CALN1: variants seen among roughly 807,000 people sequenced by gnomAD.
CALN1 encodes calcium-binding protein 8.
In CALN1, 17 loss-of-function variants were observed where a neutral mutation model predicts 30.6. The observed-to-expected ratio is 0.56, with a 90% CI of 0.38 to 0.83. CALN1 has a LOEUF of 0.83. Among genes scored for constraint, CALN1 ranks in the 40% least tolerant of loss-of-function variants. The probability of loss-of-function intolerance (pLI) is 0.00; values close to 1 mark genes in which losing one functional copy is unlikely to be tolerated. For synonymous variants in CALN1, 156 were observed against 131.4 expected, an observed-to-expected ratio of 1.19 and a Z score of -1.28; for missense variants, 291 against 354.9, an observed-to-expected ratio of 0.82 and a Z score of 1.45.
chr7:72,337,387 G>C (rs529559094), intron 2 of CALN1, among the ~76,000 whole-genome samples: 7 of 148,680 alleles, frequency 4.7e-5, no homozygotes, highest in African/African-American at 1.7e-4. Flanking sequence ...CGCAACCTGA[G>C]GAACGCCTCG....
chr7:72,244,505 T>C lies in CALN1; in HGVS notation c.244+34181A>G, dbSNP rs532830437. On this transcript the variant is annotated intron_variant, in intron 3 of 6. Coordinates refer to ENST00000395275, the MANE Select transcript of CALN1 (RefSeq NM_031468.4). Reference sequence around the variant, plus strand: ...ACAAGAAAACAGAAAAGTTCCACAATTTATTATTGGGATATAAATGAGGAA... The same window carrying C: ...ACAAGAAAACAGAAAAGTTCCACAACTTATTATTGGGATATAAATGAGGAA... 6.6e-5 allele frequency among the ~76,000 whole-genome samples: 10 copies of C among 151,972 alleles called. No homozygotes were observed. In the East Asian group the frequency reaches 1.9e-3, roughly 29 times the overall value.
At chr7:72,467,150 T>C in the CALN1 span, among the ~76,000 whole-genome samples, 1 of 152,294 alleles carries the variant, frequency 6.6e-6, no homozygotes, top group East Asian at 1.9e-4. Flanking sequence ...ACCTCAGATG[T>C]GTCTGAGACA....
At chr7:72,324,192 T>C (rs944455779) in intron 2 of CALN1, among the ~76,000 whole-genome samples, 1 of 152,140 alleles carries the variant, frequency 6.6e-6, no homozygotes, top group African/African-American at 2.4e-5. Context: ...GATTAGAGCA[T>C]TGGAATTTTT....
At chr7:72,054,438 T>TATATATAC (rs71092943) in intron 4 of CALN1, among the ~76,000 whole-genome samples, 586 of 48,828 alleles carry the variant, frequency 0.012, 13 homozygotes, top group African/African-American at 0.046. Flanking sequence ...TACACGTATA[T>TATATATAC]ATATATATAC....
chr7:72,155,875 C>A (rs1787638575), intron 3 of CALN1, among the ~76,000 whole-genome samples: 1 of 152,158 alleles, frequency 6.6e-6, no homozygotes, highest in Non-Finnish European at 1.5e-5. Context: ...TTCCAGCTCC[C>A]AGACACCAAC....
intron 4 of CALN1, among the ~76,000 whole-genome samples, chr7:72,065,846 T>C (rs1227810250): frequency 1.3e-5 from 2 of 151,694 alleles, no homozygotes; most frequent in African/African-American, 4.8e-5. Flanking sequence ...TGAGCCAAGA[T>C]CACACCATTG....
At chr7:72,460,792 A>C in the CALN1 span, among the ~76,000 whole-genome samples, 4 of 152,094 alleles carry the variant, frequency 2.6e-5, no homozygotes, top group South Asian at 8.3e-4. Flanking sequence ...TCTCTGACCT[A>C]CTGTGGTCAG....
intron 5 of CALN1, among the ~76,000 whole-genome samples, chr7:71,835,010 A>T (rs560402166): frequency 6.6e-6 from 1 of 151,924 alleles, no homozygotes; most frequent in Non-Finnish European, 1.5e-5. Context: ...TTTAAAAAAA[A>T]TTTTCATAGG....
chr7:72,297,998 G>C lies in CALN1; in HGVS notation c.120-19188C>G, dbSNP rs376372726. On this transcript the variant is annotated intron_variant, in intron 2 of 6. Transcript: ENST00000395275. Reference sequence around the variant, plus strand: ...CTTTACAGAGTAGAGTTTGTAGATAGTGCACTCACCATCTTATTATTTTTT... The same window carrying C: ...CTTTACAGAGTAGAGTTTGTAGATACTGCACTCACCATCTTATTATTTTTT... Among the ~76,000 whole-genome samples, 39 of 152,308 alleles carry C rather than the reference G, an allele frequency of 2.6e-4. 1 individual carries two copies. In the East Asian group the frequency reaches 5.4e-3, roughly 21 times the overall value.
rs536600708 is a variant in CALN1 at position 71,964,653 on chromosome 7, T to A, written c.501+59004A>T. On this transcript the variant is annotated intron_variant, in intron 5 of 6. Transcript: ENST00000395275. ...CTCCAGCCTGGCAACAGAGCGAGACTCTGTCTCAAAAAAAAACCAAACCAA... is the reference window on the plus strand; with the variant it reads ...CTCCAGCCTGGCAACAGAGCGAGACACTGTCTCAAAAAAAAACCAAACCAA... Among the ~76,000 whole-genome samples, 14 of 149,482 alleles carry A rather than the reference T, an allele frequency of 9.4e-5. No individual in the cohort carries two copies. The South Asian group carries it at 2.3e-3, about 24-fold the overall frequency.
rs1261385627 is a variant in CALN1 at position 72,412,086 on chromosome 7, G to A, written c.-102C>T. 1 of 152,242 alleles carries A rather than the reference G, an allele frequency of 6.6e-6. No individual in the cohort carries two copies. Among genetic ancestry groups the A allele is most frequent in the Admixed American group, 6.5e-5 (1 of 15,276 alleles). 9.4% of individuals were successfully genotyped at this position (152,242 alleles called of 1,614,324 possible). A position where few individuals can be genotyped will look rare whatever the true frequency, so the allele number is the denominator to read the frequency against. ...TGTGCGGAATTTATTCCTTCTGCTG[G>A]GTTGTTGGTCTCGCCGACTTTAAGA... On this transcript the variant is annotated 5_prime_UTR_variant, in exon 1 of 7. Transcript: ENST00000395275.
chr7:72,242,267 C>G (rs1794890052), intron 3 of CALN1, among the ~76,000 whole-genome samples: 1 of 152,172 alleles, frequency 6.6e-6, no homozygotes, highest in South Asian at 2.1e-4. Context: ...ATTCTTTCCA[C>G]CTTTTGGCTA....
intron 5 of CALN1, among the ~76,000 whole-genome samples, chr7:71,904,276 T>C (rs538827123): frequency 9.8e-5 from 15 of 152,308 alleles, no homozygotes; most frequent in Middle Eastern, 6.8e-3. Context: ...GTATTCACAA[T>C]TGCCAAAATA....
intron 4 of CALN1, among the ~76,000 whole-genome samples, chr7:72,096,092 AAGATAGATAGATAG>A: frequency 8.2e-6 from 1 of 121,780 alleles, no homozygotes; most frequent in Non-Finnish European, 1.8e-5. Context: ...TAGATAGATA[AAGATAGATAGATAG>A]ATAGAAGGAA....
intron 2 of CALN1, among the ~76,000 whole-genome samples, chr7:72,303,662 G>C (rs932716786): frequency 1.5e-4 from 22 of 151,708 alleles, no homozygotes; most frequent in African/African-American, 5.3e-4. Flanking sequence ...GAGTGGGCTC[G>C]CCCTCCCTCC....
At chr7:71,985,876 C>T (rs1306983954) in intron 5 of CALN1, among the ~76,000 whole-genome samples, 1 of 151,982 alleles carries the variant, frequency 6.6e-6, no homozygotes, top group Non-Finnish European at 1.5e-5. Flanking sequence ...AGGTGTGAGC[C>T]ACTGTACCTG....
chr7:72,059,623 A>T (rs1382097630), intron 4 of CALN1, among the ~76,000 whole-genome samples: 1 of 150,974 alleles, frequency 6.6e-6, no homozygotes, highest in Non-Finnish European at 1.5e-5. Flanking sequence ...ATGACCGTCA[A>T]TTGTGAACTC....
the CALN1 span, among the ~76,000 whole-genome samples, chr7:72,475,941 C>CTTTTTT: frequency 1.3e-4 from 10 of 75,876 alleles, no homozygotes; most frequent in Non-Finnish European, 1.8e-4. Flanking sequence ...CTCTCTCTCT[C>CTTTTTT]TTTTTTTTTT....
At chr7:72,355,749 C>T (rs796175769) in intron 2 of CALN1, among the ~76,000 whole-genome samples, 1 of 152,080 alleles carries the variant, frequency 6.6e-6, no homozygotes, top group African/African-American at 2.4e-5. Flanking sequence ...TCTGTAGTGA[C>T]AGAAATTAAA....
Sources: gnomAD v4.1 joint callset for allele counts (sites outside exome capture counted in the v4.1 genomes callset) on GRCh38, gnomAD v4.1.1 for gene constraint, MANE v1.5 for transcripts, NCBI Gene and HGNC (gene_info 2026-07-23, HGNC 2026-07-21) for gene names.